The following SMC2 variants were observed in gnomAD, a reference collection of about 807,000 sequenced individuals.
SMC2 encodes structural maintenance of chromosomes 2.
Under a neutral mutation model 142.6 loss-of-function variants are expected in SMC2, and 41 were observed. That is an observed-to-expected ratio of 0.29 (90% confidence interval 0.22 to 0.37). The LOEUF (loss-of-function observed/expected upper bound fraction) is 0.37. Among genes scored for constraint, SMC2 ranks in the 10% least tolerant of loss-of-function variants. The probability of loss-of-function intolerance (pLI) is 1.00; values close to 1 mark genes in which losing one functional copy is unlikely to be tolerated. For synonymous variants in SMC2, 463 were observed against 457.5 expected (o/e 1.01, Z -0.15); for missense variants, 1,265 against 1,373.7 (o/e 0.92, Z 1.25).
At chr9:104,131,933 G>A (rs1835021070) in intron 21 of SMC2, 76 bp from the exon 22 acceptor site, 2 of 769,308 alleles carry the variant, frequency 2.6e-6, no homozygotes, top group African/African-American at 3.5e-5. Context: ...AATGAAAACT[G>A]TTTATTTCTG....
In SMC2 at chr9:104,111,461, ATTATT is replaced by A. The variant is rs1232119760; in HGVS notation, c.1021-114_1021-110del. 6 of 608,932 alleles carry A rather than the reference ATTATT, an allele frequency of 9.9e-6. 1 individual carries two copies. The highest frequency in any genetic ancestry group is 3.7e-5 in the African/African-American group (2 of 53,652). The allele number at this position is 608,932 out of a possible 1,614,324, so 37.7% of individuals were successfully genotyped here. The stretch of plus-strand genomic sequence containing the variant: ...GTATTTATAAAGTTATGATGGTTAA[ATTATT>A]TTATTATGCTCACTCCAAATTGCTA... On this transcript the variant is annotated intron_variant, in intron 9 of 24. Transcript: ENST00000374793.
chr9:104,097,844 GA>G lies in SMC2; in HGVS notation c.319-600del, dbSNP rs150611298. ...AATGTACTGGGATGTACAGTTAGAA[GA>G]ATGAGAAACAGAGCTTGTCTTTAAG... On this transcript the variant is annotated intron_variant, in intron 3 of 24. Transcript: ENST00000374793. Among the ~76,000 whole-genome samples, 712 of 152,290 alleles carry G rather than the reference GA, an allele frequency of 4.7e-3. 3 individuals carry two copies. The highest frequency in any genetic ancestry group is 6.5e-3 in the Non-Finnish European group (445 of 68,014).
At chr9:104,100,501 A>G (rs747594162) in intron 7 of SMC2, 68 bp downstream of exon 7, 147 of 998,570 alleles carry the variant, frequency 1.5e-4, no homozygotes, top group Non-Finnish European at 2.2e-4. Context: ...ATCCAAAATC[A>G]TACACATAGT....
At chr9:104,102,725 A>G in intron 9 of SMC2, 152 bp downstream of exon 9, 2 of 687,376 alleles carry the variant, frequency 2.9e-6, no homozygotes, top group South Asian at 6.8e-5. Context: ...CCAAATGGTC[A>G]AAAATCCTTG....
At chr9:104,117,061 G>A (rs966598008) in intron 14 of SMC2, among the ~76,000 whole-genome samples, 1 of 152,132 alleles carries the variant, frequency 6.6e-6, no homozygotes, top group African/African-American at 2.4e-5. Context: ...ACATTCAGAA[G>A]ATTTCAATGC....
chr9:104,114,903 A>G, intron 13 of SMC2, 74 bp downstream of exon 13: 2 of 1,284,704 alleles, frequency 1.6e-6, no homozygotes, highest in Non-Finnish European at 2.1e-6. Context: ...AAAGAATTAA[A>G]TACTTTGATG....
the SMC2 span, among the ~76,000 whole-genome samples, chr9:104,088,910 A>G: frequency 1.3e-5 from 2 of 152,118 alleles, no homozygotes; most frequent in African/African-American, 2.4e-5. Flanking sequence ...ATCCACTGAT[A>G]CATCTATCCA....
chr9:104,123,382 G>A (rs1042790277), intron 17 of SMC2, 150 bp downstream of exon 17: 4 of 615,210 alleles, frequency 6.5e-6, no homozygotes, highest in African/African-American at 5.8e-5. Flanking sequence ...AGGTCTTAGG[G>A]TATGGTCATT....
rs558390228 is a variant in SMC2 at position 104,114,546 on chromosome 9, A to T, written c.1533-145A>T. 1.6e-4 allele frequency: 98 copies of T among 631,614 alleles called. No individual in the cohort carries two copies. The African/African-American group carries it at 1.6e-3, about 10-fold the overall frequency. The allele number at this position is 631,614 out of a possible 1,614,324, so 39.1% of individuals were successfully genotyped here. A position where few individuals can be genotyped will look rare whatever the true frequency, so the allele number is the denominator to read the frequency against. Reference sequence around the variant, plus strand: ...GCTGGCTAGTCATTTGGGACATTTTAAAATTTTTGGTTTGTTAAAACCATT... The same window carrying T: ...GCTGGCTAGTCATTTGGGACATTTTTAAATTTTTGGTTTGTTAAAACCATT... On this transcript the variant is annotated intron_variant, in intron 12 of 24. Transcript: ENST00000374793.
In SMC2 at chr9:104,114,831, T is replaced by C; in HGVS notation, c.1671+2T>C. On this transcript the variant is annotated splice_donor_variant, in intron 13 of 24. Transcript: ENST00000374793. LOFTEE classifies it high-confidence loss of function. ...TACAATGTTGTAGTAGACACAGAAG[T>C]AAGTTGATTTTAATTTTAAAAAATT... 1 of 1,589,648 alleles carries C rather than the reference T, an allele frequency of 6.3e-7. No homozygotes were observed. The highest frequency in any genetic ancestry group is 8.5e-7 in the Non-Finnish European group (1 of 1,172,384).
chr9:104,094,402 G>A lies in SMC2; in HGVS notation c.-137G>A. The A allele has an allele frequency of 2.5e-6, 1 of 398,934 alleles. No homozygotes were observed. The highest frequency in any genetic ancestry group is 4.4e-6 in the Non-Finnish European group (1 of 226,302). The allele number at this position is 398,934 out of a possible 1,614,324, so 24.7% of individuals were successfully genotyped here. A position where few individuals can be genotyped will look rare whatever the true frequency, so the allele number is the denominator to read the frequency against. On this transcript the variant is annotated 5_prime_UTR_variant, in exon 1 of 25. Coordinates refer to ENST00000374793, the MANE Select transcript of SMC2 (RefSeq NM_006444.3). Reference sequence around the variant, plus strand: ...GTTCGCTTTGTAGCGGCCCCGGCTAGAGAGTTGTTCTGTTCCCTGCCTTTG... The same window carrying A: ...GTTCGCTTTGTAGCGGCCCCGGCTAAAGAGTTGTTCTGTTCCCTGCCTTTG...
intron 24 of SMC2, among the ~76,000 whole-genome samples, chr9:104,138,428 AG>A (rs1564124404): frequency 6.6e-6 from 1 of 152,170 alleles, no homozygotes; most frequent in Non-Finnish European, 1.5e-5. Flanking sequence ...GAATTGATTT[AG>A]GGTTAATATA....
At position 104,094,368 on chromosome 9, in the gene SMC2, T is replaced by G; in HGVS notation, c.-171T>G. 1 of 398,700 alleles carries G rather than the reference T, an allele frequency of 2.5e-6. No individual in the cohort carries two copies. Among genetic ancestry groups the G allele is most frequent in the Non-Finnish European group, 4.4e-6 (1 of 226,180 alleles). 24.7% of individuals were successfully genotyped at this position (398,700 alleles called of 1,614,324 possible). A position where few individuals can be genotyped will look rare whatever the true frequency, so the allele number is the denominator to read the frequency against. On this transcript the variant is annotated 5_prime_UTR_variant, in exon 1 of 25. Coordinates refer to ENST00000374793, the MANE Select transcript of SMC2 (RefSeq NM_006444.3). ...GCGGTGTGGCAGGTGTTGTAGCCGC[T>G]ATGGTGAAGTTCGCTTTGTAGCGGC...
chr9:104,092,858 C>T (rs1482853191), upstream of SMC2: 1 of 152,134 alleles, frequency 6.6e-6, no homozygotes, highest in African/African-American at 2.4e-5. Flanking sequence ...TAAATGTGTC[C>T]CTCAAAATGC....
Position 104,111,780 on chromosome 9 carries a change from A to G in SMC2, c.1220A>G (p.Asn407Ser). The change falls in exon 10 of 25, where the codon AAT becomes AGT. Residue 407 changes from asparagine (N) to serine (S), a missense_variant. This residue lies in a region of SMC2 where 898 missense variants were observed against 904.2 expected (regional missense o/e 0.99). Coordinates refer to ENST00000374793, the MANE Select transcript of SMC2 (RefSeq NM_006444.3). ...GCTGGTCAAATGATGGCCTGTAAAA[A>G]TGATATAAGTAAAGCTCAGACAGAA... ...TLAGQMMACK[N>S]DISKAQTEAK... 1 of 1,613,972 alleles carries G rather than the reference A, an allele frequency of 6.2e-7. No individual in the cohort carries two copies. The highest frequency in any genetic ancestry group is 8.5e-7 in the Non-Finnish European group (1 of 1,179,888).
At chr9:104,123,038 G>A (rs1833901436) in intron 16 of SMC2, 70 bp from the exon 17 acceptor site, 1 of 1,480,364 alleles carries the variant, frequency 6.8e-7, no homozygotes, top group Non-Finnish European at 9.2e-7. Context: ...GTAAGAATCT[G>A]AAGTTTGAAT....
At chr9:104,091,869 GA>G (rs1829986129), upstream of SMC2, among the ~76,000 whole-genome samples, 1 of 152,030 alleles carries the variant, frequency 6.6e-6, no homozygotes, top group Non-Finnish European at 1.5e-5. Context: ...TGGTACTGAT[GA>G]TGCCTTCCAT....
rs1482215562 is a variant in SMC2, at chr9:104,134,486, G to C, written c.3180G>C (p.Glu1060Asp). 1 of 1,612,804 alleles carries C rather than the reference G, an allele frequency of 6.2e-7. No individual in the cohort carries two copies. The highest frequency in any genetic ancestry group is 8.5e-7 in the Non-Finnish European group (1 of 1,179,220). Residue 1060 changes from glutamate to aspartate, a missense_variant, in exon 23 of 25, where the codon GAG becomes GAC. This residue lies in a region of SMC2 where 192 missense variants were observed against 261.9 expected (regional missense o/e 0.73). Transcript: ENST00000374793. Reference sequence around the variant, plus strand: ...CTAATGCTATGCTTGCACCACCAGAGGGTCAAACTGTTTTGGATGGTCTGG... The same window carrying C: ...CTAATGCTATGCTTGCACCACCAGACGGTCAAACTGTTTTGGATGGTCTGG... ...PGANAMLAPP[E>D]GQTVLDGLEF...
At chr9:104,111,518 G>C in intron 9 of SMC2, 63 bp from the exon 10 acceptor site, 2 of 978,724 alleles carry the variant, frequency 2.0e-6, no homozygotes, top group South Asian at 1.5e-5. Context: ...AAGGGTATGC[G>C]TATAAGAAAG....
Sources: allele counts gnomAD v4.1 joint callset (sites outside exome capture counted in the v4.1 genomes callset), GRCh38; gene constraint gnomAD v4.1.1; regional missense constraint gnomAD v4.1.1; transcripts MANE v1.5; gene names NCBI Gene and HGNC (gene_info 2026-07-23, HGNC 2026-07-21).